The following ERC2 variants were observed in gnomAD, a reference collection of about 807,000 sequenced individuals.
ERC2 encodes the protein ELKS/RAB6-interacting/CAST family member 2.
A neutral mutation model predicts 114.8 loss-of-function variants in ERC2; 42 were observed. The ratio of observed to expected loss-of-function variants is 0.37; its 90% CI spans 0.29 to 0.47. The LOEUF is 0.47. Ranked by LOEUF, ERC2 falls within the 20% of genes least tolerant of loss-of-function variation. ERC2 has a pLI of 0.99. For synonymous variants in ERC2, 454 were observed against 425.5 expected (o/e 1.07, Z -0.82); for missense variants, 939 against 1,150.7 (o/e 0.82, Z 2.66).
chr3:56,303,446 T>C (rs567341381), intron 2 of ERC2, among the ~76,000 whole-genome samples: 3 of 152,326 alleles, frequency 2.0e-5, no homozygotes, highest in Admixed American at 6.5e-5. Context: ...GTTTCAAACA[T>C]GCAGCTCTGG....
chr3:55,849,632 C>T (rs1255494120), intron 14 of ERC2, among the ~76,000 whole-genome samples: 1 of 152,168 alleles, frequency 6.6e-6, no homozygotes, highest in Non-Finnish European at 1.5e-5. Flanking sequence ...CAACAAATGC[C>T]CATGCCCCTC....
At chr3:55,523,397 A>C (rs1423394810) in intron 17 of ERC2, among the ~76,000 whole-genome samples, 1 of 152,158 alleles carries the variant, frequency 6.6e-6, no homozygotes, top group Non-Finnish European at 1.5e-5. Context: ...CTTCCTTCAG[A>C]GCTTTTGCAT....
chr3:56,059,283 G>T (rs1012136878), intron 7 of ERC2, among the ~76,000 whole-genome samples: 1 of 151,930 alleles, frequency 6.6e-6, no homozygotes, highest in African/African-American at 2.4e-5. Context: ...TAGAGACGGG[G>T]GTTTCACCTG....
chr3:56,404,116 A>C (rs2060621390), intron 2 of ERC2, among the ~76,000 whole-genome samples: 1 of 152,248 alleles, frequency 6.6e-6, no homozygotes, highest in African/African-American at 2.4e-5. Context: ...TAAGTTTTAC[A>C]ATGTTCTCAA....
chr3:55,972,068 A>G (rs1449777682), intron 12 of ERC2, among the ~76,000 whole-genome samples: 1 of 152,126 alleles, frequency 6.6e-6, no homozygotes, highest in East Asian at 1.9e-4. Context: ...CTATGTACCT[A>G]TCATTCCATC....
chr3:56,015,491 T>C (rs1334489983), intron 8 of ERC2, among the ~76,000 whole-genome samples: 2 of 152,158 alleles, frequency 1.3e-5, no homozygotes, highest in Non-Finnish European at 2.9e-5. Context: ...ATTAGTTTGC[T>C]GAGGTTAATG....
At chr3:55,737,596 C>T (rs1208693581) in intron 14 of ERC2, among the ~76,000 whole-genome samples, 4 of 151,940 alleles carry the variant, frequency 2.6e-5, no homozygotes, top group Non-Finnish European at 4.4e-5. Context: ...ACTAAAGGAC[C>T]GATATTAGGA....
chr3:55,930,296 A>G (rs1205517886), intron 13 of ERC2, among the ~76,000 whole-genome samples: 1 of 152,216 alleles, frequency 6.6e-6, no homozygotes, highest in Non-Finnish European at 1.5e-5. Context: ...AGTTTTTTAC[A>G]GCAATGCAAG....
At chr3:56,260,729 G>A (rs547828005) in intron 3 of ERC2, among the ~76,000 whole-genome samples, 40 of 152,310 alleles carry the variant, frequency 2.6e-4, no homozygotes, top group Non-Finnish European at 4.9e-4. Flanking sequence ...TCCAACCCAT[G>A]TTCCACTCCA....
At chr3:55,738,220 C>G (rs1456431321) in intron 14 of ERC2, among the ~76,000 whole-genome samples, 2 of 151,958 alleles carry the variant, frequency 1.3e-5, no homozygotes, top group African/African-American at 4.8e-5. Context: ...TTTCGACATA[C>G]AAATGTATAT....
At chr3:55,949,898 T>C (rs1339534271) in intron 13 of ERC2, among the ~76,000 whole-genome samples, 1 of 152,212 alleles carries the variant, frequency 6.6e-6, no homozygotes, top group Admixed American at 6.5e-5. Context: ...AGTTGGTTTG[T>C]TTCTAAGATA....
intron 6 of ERC2, among the ~76,000 whole-genome samples, chr3:56,098,095 T>A (rs1209880690): frequency 2.0e-5 from 3 of 152,174 alleles, no homozygotes; most frequent in Non-Finnish European, 4.4e-5. Context: ...AAATACTGTC[T>A]GAGCCAAAGG....
At chr3:55,941,858 C>T (rs368379910) in intron 13 of ERC2, among the ~76,000 whole-genome samples, 124 of 152,206 alleles carry the variant, frequency 8.1e-4, no homozygotes, top group African/African-American at 2.9e-3. Flanking sequence ...TCTCCACCAC[C>T]GATTTACTAC....
chr3:55,522,823 G>C (rs1433294749), intron 17 of ERC2, among the ~76,000 whole-genome samples: 1 of 152,194 alleles, frequency 6.6e-6, no homozygotes. Flanking sequence ...TCCAAGATGG[G>C]CCCATTCTCC....
intron 3 of ERC2, among the ~76,000 whole-genome samples, chr3:56,291,594 T>C (rs1270241542): frequency 3.9e-5 from 6 of 152,078 alleles, no homozygotes; most frequent in Admixed American, 3.9e-4. Flanking sequence ...GAATGAATCA[T>C]AAAACCACTA....
chr3:56,371,153 G>T (rs2059348917), intron 2 of ERC2, among the ~76,000 whole-genome samples: 1 of 152,096 alleles, frequency 6.6e-6, no homozygotes, highest in Admixed American at 6.6e-5. Context: ...AGAAAAGAAA[G>T]GACTGAAAGA....
intron 7 of ERC2, among the ~76,000 whole-genome samples, chr3:56,042,579 C>T (rs1364386854): frequency 6.6e-6 from 1 of 152,132 alleles, no homozygotes; most frequent in Non-Finnish European, 1.5e-5. Context: ...ACAAGCTCTA[C>T]CAAAGCCCAA....
intron 13 of ERC2, among the ~76,000 whole-genome samples, chr3:55,905,457 G>T (rs937596857): frequency 3.3e-5 from 5 of 151,328 alleles, no homozygotes; most frequent in Admixed American, 6.6e-5. Context: ...TGTGTGTGCA[G>T]CATCCCTCCC....
At position 56,434,683 on chromosome 3, in the gene ERC2, G is replaced by A. The variant is rs756845043; in HGVS notation, c.325C>T (p.Leu109Phe). Residue 109 changes from leucine to phenylalanine, a missense_variant, in exon 2 of 18, where the codon CTT becomes TTT. Physicochemically the swap from Leu to Phe is conservative, Grantham distance 22 (BLOSUM62 0). Around this residue, in one of 5 missense-constraint regions of ERC2, gnomAD observed 281 missense variants for 307.4 expected, o/e 0.91. Coordinates refer to ENST00000288221, the MANE Select transcript of ERC2 (RefSeq NM_015576.3). ...TATGAAAGGACATCTGTGTGGGAAA[G>A]TCCAGCAGAAGCAATATTGGGACTA... ...GSSPNIASAGLSHTDVLSYTD... is the reference protein window; with the variant it reads ...GSSPNIASAGFSHTDVLSYTD... 1.9e-6 allele frequency: 3 copies of A among 1,613,874 alleles called. No homozygotes were observed. Among genetic ancestry groups the A allele is most frequent in the Non-Finnish European group, 2.5e-6 (3 of 1,179,898 alleles).
Sources: allele counts gnomAD v4.1 joint callset (sites outside exome capture counted in the v4.1 genomes callset), GRCh38; gene constraint gnomAD v4.1.1; regional missense constraint gnomAD v4.1.1; transcripts MANE v1.5; gene names NCBI Gene and HGNC (gene_info 2026-07-23, HGNC 2026-07-21).